Variants in KCNH5 observed in about 807,000 individuals in gnomAD.
The protein encoded by KCNH5 is potassium voltage-gated channel subfamily H member 5.
Under a neutral mutation model 96.1 loss-of-function variants are expected in KCNH5, and 46 were observed. The observed-to-expected ratio is 0.48, with a 90% CI of 0.38 to 0.61. KCNH5 has a LOEUF of 0.61. KCNH5 is among the 20% of genes least tolerant of loss of function. The pLI is 0.00. For synonymous variants in KCNH5, 439 were observed against 449.8 expected, an observed-to-expected ratio of 0.98 and a Z score of 0.30; for missense variants, 907 against 1,225.8, an observed-to-expected ratio of 0.74 and a Z score of 3.88.
chr14:62,964,708 T>C (rs999884327), intron 6 of KCNH5, among the ~76,000 whole-genome samples: 9 of 152,154 alleles, frequency 5.9e-5, no homozygotes, highest in African/African-American at 2.2e-4. Flanking sequence ...AACCCAGGAA[T>C]GTCTTTCTCA....
intron 9 of KCNH5, among the ~76,000 whole-genome samples, chr14:62,782,074 T>C (rs569679869): frequency 6.6e-6 from 1 of 152,298 alleles, no homozygotes; most frequent in South Asian, 2.1e-4. Context: ...GTCCCTCCGT[T>C]TGGGGTCCCT....
intron 8 of KCNH5, among the ~76,000 whole-genome samples, chr14:62,814,475 T>C (rs1251064991): frequency 6.6e-6 from 1 of 152,170 alleles, no homozygotes; most frequent in Non-Finnish European, 1.5e-5. Context: ...GTGTATTTAC[T>C]GCCCAGAAAA....
At chr14:62,847,734 G>A (rs1283227316) in intron 8 of KCNH5, among the ~76,000 whole-genome samples, 2 of 151,848 alleles carry the variant, frequency 1.3e-5, no homozygotes, top group Admixed American at 6.6e-5. Flanking sequence ...CCCCATATTC[G>A]TTCTATTACT....
chr14:63,004,105 G>C (rs779434707), intron 3 of KCNH5, among the ~76,000 whole-genome samples: 4 of 152,144 alleles, frequency 2.6e-5, no homozygotes, highest in Non-Finnish European at 5.9e-5. Flanking sequence ...TTGCTTAAAG[G>C]ACGTATTGGG....
At chr14:62,963,396 G>A (rs1286328108) in intron 6 of KCNH5, among the ~76,000 whole-genome samples, 1 of 152,062 alleles carries the variant, frequency 6.6e-6, no homozygotes, top group Non-Finnish European at 1.5e-5. Context: ...TAGGAAGAGA[G>A]AGAGATGTAT....
At chr14:62,943,259 A>G (rs1889823091) in intron 7 of KCNH5, among the ~76,000 whole-genome samples, 1 of 152,192 alleles carries the variant, frequency 6.6e-6, no homozygotes, top group South Asian at 2.1e-4. Context: ...GGACTAAGTA[A>G]CTGCTTTCTT....
rs1179768680 is a variant in KCNH5, at chr14:62,707,673, C to T, written c.2802G>A (p.Gln934=). ...LSCRMTALEK[Q]VAEILKILSE... ...ACAGTATTTTTAAAATTTCTGCCAC[C>T]TGCTTTTCTAGGGCAGTCATTCTGC... is the stretch of plus-strand genomic sequence containing the variant. Residue 934 remains glutamine, a synonymous_variant, in exon 11 of 11, where the codon CAG becomes CAA. Coordinates refer to ENST00000322893, the MANE Select transcript of KCNH5 (RefSeq NM_139318.5). 2 of 1,589,284 alleles carry T rather than the reference C, an allele frequency of 1.3e-6. No individual in the cohort carries two copies. Among genetic ancestry groups the T allele is most frequent in the Non-Finnish European group, 1.7e-6 (2 of 1,163,438 alleles).
chr14:62,782,604 A>G (rs2095183486), intron 9 of KCNH5, among the ~76,000 whole-genome samples: 2 of 152,114 alleles, frequency 1.3e-5, no homozygotes, highest in South Asian at 2.1e-4. Context: ...AGGTCAGAAG[A>G]TCGAGACCAT....
chr14:62,995,718 T>C lies in KCNH5; in HGVS notation c.433+5613A>G, dbSNP rs1235938917. 2.0e-5 allele frequency among the ~76,000 whole-genome samples: 3 copies of C among 152,160 alleles called. No individual in the cohort carries two copies. In the East Asian group the frequency reaches 5.8e-4, roughly 29 times the overall value. ...ACGCACTCCACTCTTCTCACACCCT[T>C]CACCATCTTTACTCTCAGTTGATAA... On this transcript the variant is annotated intron_variant, in intron 4 of 10. Transcript: ENST00000322893.
intron 8 of KCNH5, among the ~76,000 whole-genome samples, chr14:62,815,396 A>T (rs1346320492): frequency 6.6e-6 from 1 of 152,130 alleles, no homozygotes; most frequent in African/African-American, 2.4e-5. Flanking sequence ...CAAACTATTT[A>T]TTTATAATAT....
intron 9 of KCNH5, among the ~76,000 whole-genome samples, chr14:62,784,834 A>G (rs1886287859): frequency 6.6e-6 from 1 of 152,202 alleles, no homozygotes; most frequent in African/African-American, 2.4e-5. Context: ...AAATTATTAC[A>G]TTAAATTACT....
chr14:62,891,877 T>A (rs1888718678), intron 7 of KCNH5, among the ~76,000 whole-genome samples: 1 of 152,196 alleles, frequency 6.6e-6, no homozygotes, highest in Non-Finnish European at 1.5e-5. Flanking sequence ...TGTAAGGCAG[T>A]GAACTTAATC....
At chr14:62,900,579 T>C (rs1326804869) in intron 7 of KCNH5, among the ~76,000 whole-genome samples, 1 of 152,126 alleles carries the variant, frequency 6.6e-6, no homozygotes, top group Non-Finnish European at 1.5e-5. Flanking sequence ...TTAAATTTGG[T>C]GGTAAAGCTA....
At chr14:62,731,150 A>G (rs2139924303) in intron 10 of KCNH5, among the ~76,000 whole-genome samples, 1 of 151,938 alleles carries the variant, frequency 6.6e-6, no homozygotes, top group Middle Eastern at 3.4e-3. Context: ...AAAATGCAAA[A>G]ATTAGCTGGG....
chr14:63,022,100 G>C (rs1265578806), intron 1 of KCNH5, among the ~76,000 whole-genome samples: 1 of 152,070 alleles, frequency 6.6e-6, no homozygotes, highest in African/African-American at 2.4e-5. Context: ...ATGTGCTTCA[G>C]TATAACATGA....
rs192404231 is a variant in KCNH5, at chr14:63,015,632, A to T, written c.197+1199T>A. 2.0e-5 allele frequency among the ~76,000 whole-genome samples: 3 copies of T among 152,074 alleles called. No individual in the cohort carries two copies. The East Asian group carries it at 5.8e-4, about 29-fold the overall frequency. On this transcript the variant is annotated intron_variant, in intron 2 of 10. Transcript: ENST00000322893. Reference sequence around the variant, plus strand: ...GATATATAAACAGTTATATACATAGAGAGGGAGAGAGTCATACACAGGGGA... The same window carrying T: ...GATATATAAACAGTTATATACATAGTGAGGGAGAGAGTCATACACAGGGGA...
chr14:62,943,382 C>T (rs1293786748), intron 7 of KCNH5, among the ~76,000 whole-genome samples: 1 of 151,990 alleles, frequency 6.6e-6, no homozygotes, highest in Non-Finnish European at 1.5e-5. Flanking sequence ...ATAAATCATC[C>T]ACGTACTATG....
At chr14:62,828,264 C>A (rs1184008434) in intron 8 of KCNH5, among the ~76,000 whole-genome samples, 1 of 152,056 alleles carries the variant, frequency 6.6e-6, no homozygotes, top group Admixed American at 6.6e-5. Flanking sequence ...GGGAGATAGG[C>A]TTTCAGGTTG....
intron 1 of KCNH5, among the ~76,000 whole-genome samples, chr14:63,035,582 G>T (rs985873935): frequency 1.3e-5 from 2 of 152,170 alleles, no homozygotes; most frequent in Non-Finnish European, 2.9e-5. Context: ...GAATTATCAG[G>T]TATTGAAGTA....
Sources: gnomAD v4.1 joint callset for allele counts (sites outside exome capture counted in the v4.1 genomes callset) on GRCh38, gnomAD v4.1.1 for gene constraint, MANE v1.5 for transcripts, NCBI Gene and HGNC (gene_info 2026-07-23, HGNC 2026-07-21) for gene names.